The following EPHA6 variants were observed in gnomAD, a reference collection of about 807,000 sequenced individuals.
The protein encoded by EPHA6 is EPH receptor A6.
In EPHA6, 50 loss-of-function variants were observed where a neutral mutation model predicts 112.0. That is an observed-to-expected ratio of 0.45 (90% confidence interval 0.36 to 0.56). The LOEUF is 0.56. Ranked by LOEUF, EPHA6 falls within the 20% of genes least tolerant of loss-of-function variation. The pLI, the probability that EPHA6 is intolerant of heterozygous loss-of-function variation, is 0.00. For synonymous variants in EPHA6, 529 were observed against 490.7 expected (o/e 1.08, Z -1.03); for missense variants, 1,280 against 1,417.4 (o/e 0.90, Z 1.56).
At chr3:97,081,171 T>C (rs901476262) in intron 3 of EPHA6, among the ~76,000 whole-genome samples, 1 of 151,898 alleles carries the variant, frequency 6.6e-6, no homozygotes, top group African/African-American at 2.4e-5. Flanking sequence ...CTCAGGAGTT[T>C]AAACAGATAA....
intron 5 of EPHA6, among the ~76,000 whole-genome samples, chr3:97,389,383 A>AT (rs151187370): frequency 0.13 from 20,520 of 152,078 alleles, 1,818 homozygotes; most frequent in Non-Finnish European, 0.2. Context: ...ATATTATCTC[A>AT]TTTTTCAATA....
At chr3:97,459,112 G>A (rs1326233002) in intron 7 of EPHA6, among the ~76,000 whole-genome samples, 2 of 152,182 alleles carry the variant, frequency 1.3e-5, no homozygotes, top group African/African-American at 2.4e-5. Context: ...GAGGGTTGAG[G>A]GACCAGATGA....
At chr3:96,992,603 T>C (rs2043255894) in intron 3 of EPHA6, among the ~76,000 whole-genome samples, 1 of 152,138 alleles carries the variant, frequency 6.6e-6, no homozygotes, top group Admixed American at 6.5e-5. Context: ...TTCAGGAAAT[T>C]ATTCTAGTTT....
At chr3:97,343,795 G>T (rs1430640862) in intron 5 of EPHA6, among the ~76,000 whole-genome samples, 1 of 152,150 alleles carries the variant, frequency 6.6e-6, no homozygotes, top group Non-Finnish European at 1.5e-5. Context: ...GTGTCAAGAG[G>T]GCAGGGTTGG....
At chr3:97,019,466 T>G (rs2044376163) in intron 3 of EPHA6, among the ~76,000 whole-genome samples, 1 of 152,112 alleles carries the variant, frequency 6.6e-6, no homozygotes, top group African/African-American at 2.4e-5. Context: ...GTGAACTCTT[T>G]CAGTTCACGG....
chr3:97,724,862 C>G (rs1454231718), intron 15 of EPHA6, among the ~76,000 whole-genome samples: 2 of 151,944 alleles, frequency 1.3e-5, no homozygotes, highest in African/African-American at 4.8e-5. Context: ...ATCCCCACCC[C>G]CAAATAGAAT....
intron 3 of EPHA6, among the ~76,000 whole-genome samples, chr3:97,063,400 A>G (rs551144169): frequency 6.6e-6 from 1 of 152,338 alleles, no homozygotes; most frequent in East Asian, 1.9e-4. Context: ...TGTCCTTTGC[A>G]GGAACATGGA....
chr3:97,528,101 A>G (rs2092647993), intron 10 of EPHA6, among the ~76,000 whole-genome samples: 1 of 152,150 alleles, frequency 6.6e-6, no homozygotes. Context: ...TTTAGACAAG[A>G]GACAGGATTT....
chr3:96,886,405 A>G (rs1238843867), intron 2 of EPHA6, among the ~76,000 whole-genome samples: 1 of 152,182 alleles, frequency 6.6e-6, no homozygotes, highest in Admixed American at 6.5e-5. Flanking sequence ...CCTCTTGGAC[A>G]AGGCCTTTTA....
intron 3 of EPHA6, among the ~76,000 whole-genome samples, chr3:97,163,958 T>C (rs1216957488): frequency 6.6e-6 from 1 of 152,204 alleles, no homozygotes; most frequent in Non-Finnish European, 1.5e-5. Flanking sequence ...ACAATTTCAA[T>C]TCTGCAGCTA....
At chr3:97,231,048 C>G (rs945983636) in intron 4 of EPHA6, among the ~76,000 whole-genome samples, 1 of 152,080 alleles carries the variant, frequency 6.6e-6, no homozygotes, top group Admixed American at 6.6e-5. Flanking sequence ...TAAAATGACT[C>G]AAAATAATCC....
intron 12 of EPHA6, among the ~76,000 whole-genome samples, chr3:97,601,075 G>GAT (rs1375829779): frequency 2.0e-5 from 3 of 152,002 alleles, no homozygotes; most frequent in Admixed American, 6.6e-5. Context: ...AAATAAATAT[G>GAT]ATATATATAT....
intron 3 of EPHA6, chr3:97,009,991 T>C: frequency 2.3e-6 from 2 of 855,620 alleles, no homozygotes; most frequent in Non-Finnish European, 3.4e-6. Flanking sequence ...CATTGTTTTT[T>C]TTTTTTTGAT....
intron 10 of EPHA6, among the ~76,000 whole-genome samples, chr3:97,507,895 G>T (rs573479089): frequency 6.6e-6 from 1 of 152,132 alleles, no homozygotes; most frequent in South Asian, 2.1e-4. Flanking sequence ...TTGGGAGGGT[G>T]TACGTGTCCA....
At chr3:97,194,478 T>G (rs2077388650) in intron 3 of EPHA6, among the ~76,000 whole-genome samples, 2 of 152,074 alleles carry the variant, frequency 1.3e-5, no homozygotes. Context: ...ACTTGTTTCA[T>G]GGCCTAACAT....
chr3:96,956,536 A>G (rs2041766255), intron 2 of EPHA6, among the ~76,000 whole-genome samples: 1 of 152,222 alleles, frequency 6.6e-6, no homozygotes, highest in African/African-American at 2.4e-5. Context: ...TAAAAAGACG[A>G]TATGTGAAGT....
intron 14 of EPHA6, among the ~76,000 whole-genome samples, chr3:97,639,901 TAA>T (rs2093985723): frequency 6.6e-6 from 1 of 152,090 alleles, no homozygotes; most frequent in Non-Finnish European, 1.5e-5. Context: ...GATTAAGAAA[TAA>T]GTCTCTGAAT....
At chr3:97,263,629 T>C (rs1376694170) in intron 5 of EPHA6, among the ~76,000 whole-genome samples, 1 of 152,078 alleles carries the variant, frequency 6.6e-6, no homozygotes, top group Non-Finnish European at 1.5e-5. Context: ...TGTATTAATA[T>C]GCTTATAAAA....
chr3:97,124,698 A>T (rs978953552), intron 3 of EPHA6, among the ~76,000 whole-genome samples: 1 of 152,162 alleles, frequency 6.6e-6, no homozygotes, highest in Middle Eastern at 3.2e-3. Flanking sequence ...TCCCAACCTC[A>T]GCAGAGCTTC....
Sources: allele counts gnomAD v4.1 joint callset (sites outside exome capture counted in the v4.1 genomes callset), GRCh38; gene constraint gnomAD v4.1.1; transcripts MANE v1.5; gene names NCBI Gene and HGNC (gene_info 2026-07-23, HGNC 2026-07-21).